The following ARK2N variants were observed in gnomAD, a reference collection of about 807,000 sequenced individuals.
The protein encoded by ARK2N is arkadia (RNF111) N-terminal like PKA signaling regulator 2N, also known as protein ARK2N.
At chr18:46,236,317 G>A in the ARK2N span, among the ~76,000 whole-genome samples, 3 of 152,124 alleles carry the variant, frequency 2.0e-5, no homozygotes, top group Non-Finnish European at 4.4e-5. Flanking sequence ...CCAGCCATTC[G>A]TGGGTTTTTG....
At chr18:46,178,989 C>T in the ARK2N span, among the ~76,000 whole-genome samples, 1 of 152,200 alleles carries the variant, frequency 6.6e-6, no homozygotes. Flanking sequence ...TTCACCCAGG[C>T]TGAACTGCAG....
chr18:46,211,036 T>C, the ARK2N span, among the ~76,000 whole-genome samples: 2 of 151,662 alleles, frequency 1.3e-5, no homozygotes, highest in Non-Finnish European at 2.9e-5. Flanking sequence ...ACCAGAAGAA[T>C]AGAGAAACCT....
chr18:46,207,227 CATTGTGAAGGACTAGTAT>C, the ARK2N span, among the ~76,000 whole-genome samples: 1 of 152,074 alleles, frequency 6.6e-6, no homozygotes, highest in African/African-American at 2.4e-5. Flanking sequence ...TTGAACTATC[CATTGTGAAGGACTAGTAT>C]ATTTTTATTT....
the ARK2N span, among the ~76,000 whole-genome samples, chr18:46,189,818 C>A: frequency 0.039 from 5,898 of 152,134 alleles, 365 homozygotes; most frequent in African/African-American, 0.13. Flanking sequence ...GAGTGATGAT[C>A]ATGCCCCTGC....
the ARK2N span, chr18:46,263,376 A>G: frequency 3.2e-6 from 1 of 308,972 alleles, no homozygotes; most frequent in Non-Finnish European, 6.0e-6. Context: ...AGACAACTTT[A>G]TTTTACTTGG....
At chr18:46,229,651 C>A in the ARK2N span, among the ~76,000 whole-genome samples, 1 of 151,872 alleles carries the variant, frequency 6.6e-6, no homozygotes, top group Non-Finnish European at 1.5e-5. Context: ...AGGTCTCGCT[C>A]TATTGCCCAG....
At chr18:46,203,867 G>T in the ARK2N span, among the ~76,000 whole-genome samples, 1 of 152,144 alleles carries the variant, frequency 6.6e-6, no homozygotes, top group Non-Finnish European at 1.5e-5. Flanking sequence ...GATTACAGGT[G>T]TGAGCCACCG....
chr18:46,264,129 A>G, the ARK2N span: 32 of 152,678 alleles, frequency 2.1e-4, no homozygotes, highest in African/African-American at 6.5e-4. Flanking sequence ...TTTCTCCTCT[A>G]CCTTCTAAAA....
chr18:46,234,294 T>C, the ARK2N span, among the ~76,000 whole-genome samples: 1 of 152,050 alleles, frequency 6.6e-6, no homozygotes, highest in Non-Finnish European at 1.5e-5. Flanking sequence ...GCCTCCCAGG[T>C]TCAAGTGATT....
the ARK2N span, among the ~76,000 whole-genome samples, chr18:46,181,028 GAGGC>G: frequency 6.6e-6 from 1 of 152,218 alleles, no homozygotes; most frequent in South Asian, 2.1e-4. Context: ...TTGGGAAGCC[GAGGC>G]AGGTGGATCA....
chr18:46,191,275 A>G, the ARK2N span, among the ~76,000 whole-genome samples: 1 of 152,132 alleles, frequency 6.6e-6, no homozygotes, highest in African/African-American at 2.4e-5. Flanking sequence ...CCCTATTAAC[A>G]TATTGCATTA....
chr18:46,250,979 A>G, the ARK2N span, among the ~76,000 whole-genome samples: 1 of 152,160 alleles, frequency 6.6e-6, no homozygotes, highest in South Asian at 2.1e-4. Flanking sequence ...CCATGGTGCA[A>G]TAGACTGCTT....
At chr18:46,215,211 T>A in the ARK2N span, among the ~76,000 whole-genome samples, 9 of 152,282 alleles carry the variant, frequency 5.9e-5, no homozygotes, top group South Asian at 1.9e-3. Flanking sequence ...CCCAGCCATT[T>A]GGAAGGCTGA....
At chr18:46,256,339 A>G in the ARK2N span, among the ~76,000 whole-genome samples, 12 of 152,310 alleles carry the variant, frequency 7.9e-5, no homozygotes, top group African/African-American at 2.6e-4. Flanking sequence ...ATGCCTAGAA[A>G]TGTTACAGCA....
chr18:46,214,937 A>G, the ARK2N span, among the ~76,000 whole-genome samples: 4 of 152,194 alleles, frequency 2.6e-5, no homozygotes, highest in African/African-American at 9.6e-5. Flanking sequence ...TATTGAGGGG[A>G]CTGCAGACAA....
At chr18:46,261,880 C>T in the ARK2N span, among the ~76,000 whole-genome samples, 1 of 152,110 alleles carries the variant, frequency 6.6e-6, no homozygotes, top group South Asian at 2.1e-4. Flanking sequence ...TGAATCGTGT[C>T]CATTGTTACC....
the ARK2N span, among the ~76,000 whole-genome samples, chr18:46,208,690 G>A: frequency 6.6e-6 from 1 of 151,786 alleles, no homozygotes; most frequent in African/African-American, 2.4e-5. Context: ...GGATGGTCTC[G>A]ATCTCTTGAC....
chr18:46,207,024 C>T, the ARK2N span, among the ~76,000 whole-genome samples: 1 of 152,168 alleles, frequency 6.6e-6, no homozygotes, highest in Non-Finnish European at 1.5e-5. Flanking sequence ...AATCCTCCCA[C>T]TTTGATTTCC....
the ARK2N span, among the ~76,000 whole-genome samples, chr18:46,179,509 A>C: frequency 6.6e-6 from 1 of 152,130 alleles, no homozygotes; most frequent in Non-Finnish European, 1.5e-5. Context: ...TTCTCTCAGC[A>C]GAAGTGGGAT....
Sources: allele counts gnomAD v4.1 joint callset (sites outside exome capture counted in the v4.1 genomes callset), GRCh38; gene constraint gnomAD v4.1.1; transcripts MANE v1.5; gene names NCBI Gene and HGNC (gene_info 2026-07-23, HGNC 2026-07-21).